SLFN12: variants seen among roughly 807,000 people sequenced by gnomAD.
SLFN12 encodes ribonuclease SLFN12.
A neutral mutation model predicts 29.1 loss-of-function variants in SLFN12; 25 were observed. The observed-to-expected ratio is 0.86, with a 90% CI of 0.63 to 1.20. The LOEUF (loss-of-function observed/expected upper bound fraction) is 1.20. Among genes scored for constraint, SLFN12 ranks in the 50% most tolerant of loss-of-function variants. The pLI, the probability that SLFN12 is intolerant of heterozygous loss-of-function variation, is 0.00. For missense variants in SLFN12, 660 were observed against 666.2 expected (o/e 0.99, Z 0.10); for synonymous variants, 257 against 238.7 (o/e 1.08, Z -0.71).
chr17:35,411,931 AATAAG>A lies in SLFN12; in HGVS notation c.1148-9_1148-5del. ...TACGTTATCCTTCCTGATAGCCCTG[AATAAG>A]GAAATAATAATAATAAATTATAAAA... On this transcript the variant is annotated splice_region_variant and splice_polypyrimidine_tract_variant and intron_variant, in intron 3 of 3. Transcript: ENST00000304905. 1 of 1,535,450 alleles carries A rather than the reference AATAAG, an allele frequency of 6.5e-7. No homozygotes were observed. The highest frequency in any genetic ancestry group is 8.8e-7 in the Non-Finnish European group (1 of 1,141,972).
At position 35,422,261 on chromosome 17, in the gene SLFN12, G is replaced by A. The variant is rs529811456; in HGVS notation, c.768C>T (p.Asp256=). The A allele has an allele frequency of 1.5e-5, 24 of 1,614,098 alleles. No individual in the cohort carries two copies. The South Asian group carries it at 2.5e-4, about 17-fold the overall frequency. The part of the protein sequence containing the change: ...EIIGFKAEMS[D]LDDLEREIEK... ...CGATTTCTCTTTCTAAGTCATCGAG[G>A]TCACTCATCTCTGCTTTAAAGCCAA... The change falls in exon 2 of 4, where the codon GAC becomes GAT. Residue 256 remains aspartate, a synonymous_variant. Coordinates refer to ENST00000304905, the MANE Select transcript of SLFN12 (RefSeq NM_018042.5).
chr17:35,422,169 C>G lies in SLFN12; in HGVS notation c.860G>C (p.Cys287Ser), dbSNP rs755882360. Reference protein sequence around the residue: ...CMEKKKINYSCKFLGVYDKGS... With the variant: ...CMEKKKINYSSKFLGVYDKGS... ...TTTATCATATACTCCAAGGAATTTG[C>G]ATGAATAATTTATCTTCTTCTTCTC... The change falls in exon 2 of 4, where the codon TGC (cysteine) becomes TCC (serine). Residue 287 changes from cysteine to serine, a missense_variant. By Grantham distance (112) the Cys-to-Ser change is moderately radical. Coordinates refer to ENST00000304905, the MANE Select transcript of SLFN12 (RefSeq NM_018042.5). The G allele has an allele frequency of 3.3e-5, 53 of 1,614,014 alleles. No individual in the cohort carries two copies. The highest frequency in any genetic ancestry group is 4.2e-5 in the Non-Finnish European group (50 of 1,180,006).
intron 1 of SLFN12, among the ~76,000 whole-genome samples, chr17:35,425,351 T>C (rs1181046291): frequency 6.6e-6 from 1 of 152,074 alleles, no homozygotes; most frequent in African/African-American, 2.4e-5. Flanking sequence ...ATAGTAATCA[T>C]ATTGTACAAT....
intron 3 of SLFN12, among the ~76,000 whole-genome samples, chr17:35,412,230 TA>T (rs1911071289): frequency 6.6e-6 from 1 of 152,084 alleles, no homozygotes; most frequent in African/African-American, 2.4e-5. Flanking sequence ...TCATCAGTCT[TA>T]TTAGGCTGAG....
chr17:35,424,364 A>G (rs575784408), intron 1 of SLFN12, among the ~76,000 whole-genome samples: 1 of 151,950 alleles, frequency 6.6e-6, no homozygotes, highest in African/African-American at 2.4e-5. Flanking sequence ...AAAAAAGTGT[A>G]ATTTATGTGT....
chr17:35,411,558 G>C lies in SLFN12; in HGVS notation c.1517C>G (p.Thr506Arg), dbSNP rs1370497493. The change falls in exon 4 of 4, where the codon ACA becomes AGA. Residue 506 changes from threonine to arginine, a missense_variant. Transcript: ENST00000304905. Reference protein sequence around the residue: ...KIFYLSPEGMTSCQYDLRSQV... With the variant: ...KIFYLSPEGMRSCQYDLRSQV... ...CGACCTTAAATCATACTGGCAGCTT[G>C]TCATGCCTTCAGGGCTCAAGTAGAA... The C allele has an allele frequency of 8.7e-6, 14 of 1,613,936 alleles. No homozygotes were observed. Among genetic ancestry groups the C allele is most frequent in the African/African-American group, 2.7e-5 (2 of 74,918 alleles).
At chr17:35,420,609 T>G (rs571362304) in intron 2 of SLFN12, 213 of 365,402 alleles carry the variant, frequency 5.8e-4, no homozygotes, top group African/African-American at 4.3e-3. Flanking sequence ...AAAAATGCAT[T>G]AATAGTAATT....
intron 1 of SLFN12, among the ~76,000 whole-genome samples, chr17:35,424,296 T>G (rs9893390): frequency 6.6e-6 from 1 of 152,010 alleles, no homozygotes; most frequent in African/African-American, 2.4e-5. Flanking sequence ...AACTTTTTTT[T>G]AAAGTGTAAT....
At position 35,419,836 on chromosome 17, in the gene SLFN12, C is replaced by T. The variant is rs373304450; in HGVS notation, c.1147+438G>A. Among the ~76,000 whole-genome samples the T allele has an allele frequency of 3.9e-5, 6 of 152,212 alleles. 1 individual carries two copies. The East Asian group carries it at 1.2e-3, about 29-fold the overall frequency. On this transcript the variant is annotated intron_variant, in intron 3 of 3. Coordinates refer to ENST00000304905, the MANE Select transcript of SLFN12 (RefSeq NM_018042.5). ...GACCGACTAAGAATGTTCAAGGTAA[C>T]ACTGTTCATGTCACAGAAAGCAGGA...
rs762073212 is a variant in SLFN12, at chr17:35,422,454, C to T, written c.575G>A (p.Arg192Gln). Reference sequence around the variant, plus strand: ...TTCAGTAAAGGTCAATTTTTCTTTCCGATCAAGTTCTGTTCTATCAAAAAA... The same window carrying T: ...TTCAGTAAAGGTCAATTTTTCTTTCTGATCAAGTTCTGTTCTATCAAAAAA... ...GVFFDRTELD[R>Q]KEKLTFTEST... Residue 192 changes from arginine (R) to glutamine (Q), a missense_variant, in exon 2 of 4, where the codon CGG (arginine) becomes CAG (glutamine). Coordinates refer to ENST00000304905, the MANE Select transcript of SLFN12 (RefSeq NM_018042.5). The T allele has an allele frequency of 8.5e-5, 137 of 1,611,722 alleles. No homozygotes were observed. The highest frequency in any genetic ancestry group is 1.6e-4 in the Middle Eastern group (1 of 6,072).
Position 35,411,565 on chromosome 17 carries a change from C to A in SLFN12, c.1510G>T (p.Gly504Cys), listed in dbSNP as rs773382828. The A allele has an allele frequency of 1.2e-6, 2 of 1,614,000 alleles. No homozygotes were observed. The highest frequency in any genetic ancestry group is 1.3e-5 in the African/African-American group (1 of 75,016). The change falls in exon 4 of 4, where the codon GGC becomes TGC. Residue 504 changes from glycine to cysteine, a missense_variant. Coordinates refer to ENST00000304905, the MANE Select transcript of SLFN12 (RefSeq NM_018042.5). ...MTKIFYLSPE[G>C]MTSCQYDLRS... Reference sequence around the variant, plus strand: ...AAATCATACTGGCAGCTTGTCATGCCTTCAGGGCTCAAGTAGAAGATCTTT... The same window carrying A: ...AAATCATACTGGCAGCTTGTCATGCATTCAGGGCTCAAGTAGAAGATCTTT...
upstream of SLFN12, among the ~76,000 whole-genome samples, chr17:35,432,712 T>C (rs1597792607): frequency 6.6e-6 from 1 of 152,166 alleles, no homozygotes; most frequent in Non-Finnish European, 1.5e-5. Context: ...TTGTGGAAAG[T>C]TGGGATTTTC....
intron 1 of SLFN12, among the ~76,000 whole-genome samples, chr17:35,426,894 C>G (rs1044454135): frequency 6.6e-6 from 1 of 152,132 alleles, no homozygotes; most frequent in Non-Finnish European, 1.5e-5. Context: ...CAAAGAATCT[C>G]ACCCCAGCTC....
Position 35,420,279 on chromosome 17 carries a change from C to G in SLFN12, c.1142G>C (p.Cys381Ser). 6.2e-7 allele frequency: 1 copy of G among 1,609,384 alleles called. No homozygotes were observed. The highest frequency in any genetic ancestry group is 8.5e-7 in the Non-Finnish European group (1 of 1,176,050). The change falls in exon 3 of 4, where the codon TGT becomes TCT. Residue 381 changes from cysteine (C) to serine (S), a missense_variant. Coordinates refer to ENST00000304905, the MANE Select transcript of SLFN12 (RefSeq NM_018042.5). The stretch of plus-strand genomic sequence containing the variant: ...AGAAGCCAGAATGAAATTACCTGGA[C>G]AGTGATGTCTCTGCCGTTGCCATTC... ...LLEWQRQRHH[C>S]PGLSGRITYT... is the part of the protein sequence containing the mutation.
At chr17:35,414,481 T>C (rs771585501) in intron 3 of SLFN12, among the ~76,000 whole-genome samples, 1 of 152,074 alleles carries the variant, frequency 6.6e-6, no homozygotes, top group Non-Finnish European at 1.5e-5. Context: ...AATGGAAAGA[T>C]AGCTTGTGTT....
chr17:35,418,056 C>T (rs942710885), intron 3 of SLFN12, among the ~76,000 whole-genome samples: 8 of 152,058 alleles, frequency 5.3e-5, no homozygotes, highest in African/African-American at 1.9e-4. Flanking sequence ...TAGAGATGCA[C>T]TGTAACTGCA....
intron 3 of SLFN12, among the ~76,000 whole-genome samples, chr17:35,414,098 A>G (rs1359047828): frequency 6.6e-6 from 1 of 152,126 alleles, no homozygotes; most frequent in African/African-American, 2.4e-5. Flanking sequence ...CCATTTCACC[A>G]CTTCTATCCA....
chr17:35,426,298 A>G (rs752920516), intron 1 of SLFN12, among the ~76,000 whole-genome samples: 3 of 151,976 alleles, frequency 2.0e-5, no homozygotes, highest in Non-Finnish European at 4.4e-5. Context: ...TTTTGGTTTG[A>G]TGTAATCCCA....
chr17:35,412,793 TG>T (rs1317325158), intron 3 of SLFN12, among the ~76,000 whole-genome samples: 1 of 151,902 alleles, frequency 6.6e-6, no homozygotes, highest in African/African-American at 2.4e-5. Flanking sequence ...CTTCAGATAT[TG>T]TAGTTATCAA....
Sources: gnomAD v4.1 joint callset for allele counts (sites outside exome capture counted in the v4.1 genomes callset) on GRCh38, gnomAD v4.1.1 for gene constraint, MANE v1.5 for transcripts, NCBI Gene and HGNC (gene_info 2026-07-23, HGNC 2026-07-21) for gene names.